Variants in PCDH7 observed in about 807,000 individuals in gnomAD.
The protein encoded by PCDH7 is protocadherin 7.
A neutral mutation model predicts 58.9 loss-of-function variants in PCDH7; 17 were observed. The observed-to-expected ratio is 0.29, with a 90% CI of 0.20 to 0.43. The LOEUF (loss-of-function observed/expected upper bound fraction) is 0.43, where lower values mean the gene tolerates loss of function less well. PCDH7 is among the 20% of genes least tolerant of loss of function. The pLI is 1.00. For missense variants in PCDH7, 1,274 were observed against 1,441.0 expected, an observed-to-expected ratio of 0.88 and a Z score of 1.88; for synonymous variants, 664 against 616.4, an observed-to-expected ratio of 1.08 and a Z score of -1.14.
chr4:31,102,655 A>G (rs1176127562), intron 3 of PCDH7, among the ~76,000 whole-genome samples: 1 of 151,824 alleles, frequency 6.6e-6, no homozygotes, highest in East Asian at 1.9e-4. Flanking sequence ...CCTGGGTGAC[A>G]AGAGCAAAAC....
intron 3 of PCDH7, among the ~76,000 whole-genome samples, chr4:31,108,498 G>T (rs573041412): frequency 6.7e-6 from 1 of 150,096 alleles, no homozygotes. Flanking sequence ...CTGCTAATTC[G>T]ATGAATCAGT....
At chr4:31,045,399 T>C (rs1756199002) in intron 3 of PCDH7, among the ~76,000 whole-genome samples, 1 of 151,992 alleles carries the variant, frequency 6.6e-6, no homozygotes, top group Admixed American at 6.6e-5. Flanking sequence ...AAAGGGACAA[T>C]ATGAAGAGCC....
intron 3 of PCDH7, among the ~76,000 whole-genome samples, chr4:30,975,132 C>A (rs1749953084): frequency 7.2e-6 from 1 of 137,996 alleles, no homozygotes; most frequent in South Asian, 2.4e-4. Flanking sequence ...CCATCCAGTC[C>A]TTCCCTTTCA....
At chr4:30,730,731 A>G in intron 1 of PCDH7, 2 of 1,560,478 alleles carry the variant, frequency 1.3e-6, no homozygotes, top group South Asian at 2.3e-5. Flanking sequence ...ACCTGCATAA[A>G]TCTTTATTTT....
intron 1 of PCDH7, among the ~76,000 whole-genome samples, chr4:30,892,815 A>G (rs1172239771): frequency 6.6e-6 from 1 of 152,092 alleles, no homozygotes; most frequent in Non-Finnish European, 1.5e-5. Context: ...TCTTTCCCAA[A>G]ATAGGGGAAA....
chr4:30,960,082 GAAGGAAGGAAGGAAGGAAGA>G (rs1748239514), intron 3 of PCDH7, among the ~76,000 whole-genome samples: 1 of 135,022 alleles, frequency 7.4e-6, no homozygotes, highest in Admixed American at 8.1e-5. Context: ...AGGAGGGGAG[GAAGGAAGGAAGGAAGGAAGA>G]AAGGAAGGAG....
chr4:31,076,212 C>T (rs1052834958), intron 3 of PCDH7, among the ~76,000 whole-genome samples: 1 of 152,118 alleles, frequency 6.6e-6, no homozygotes, highest in Non-Finnish European at 1.5e-5. Context: ...TCAGCTCTGG[C>T]GTACTCATCA....
chr4:31,078,212 C>T (rs1010789026), intron 3 of PCDH7, among the ~76,000 whole-genome samples: 2 of 152,060 alleles, frequency 1.3e-5, no homozygotes, highest in African/African-American at 4.8e-5. Flanking sequence ...CTTATGTGAA[C>T]CTTTCAAAAG....
chr4:31,044,568 A>G (rs1756136203), intron 3 of PCDH7, among the ~76,000 whole-genome samples: 1 of 151,908 alleles, frequency 6.6e-6, no homozygotes, highest in Non-Finnish European at 1.5e-5. Context: ...AATTTTATGT[A>G]TTTTATCTAG....
chr4:30,752,783 C>CAAAAAAAAAAAAAAAAAA (rs35860745), intron 1 of PCDH7, among the ~76,000 whole-genome samples: 5 of 99,542 alleles, frequency 5.0e-5, no homozygotes, highest in Non-Finnish European at 1.0e-4. Flanking sequence ...CCTGTAGGGG[C>CAAAAAAAAAAAAAAAAAA]AAAAAAAAAA....
intron 1 of PCDH7, among the ~76,000 whole-genome samples, chr4:30,727,316 A>T (rs1301541647): frequency 6.6e-6 from 1 of 151,942 alleles, no homozygotes; most frequent in East Asian, 1.9e-4. Flanking sequence ...TGTTTTCATT[A>T]TAATAGGTTA....
At chr4:30,832,523 T>C (rs1339489698) in intron 1 of PCDH7, among the ~76,000 whole-genome samples, 3 of 152,174 alleles carry the variant, frequency 2.0e-5, no homozygotes, top group African/African-American at 4.8e-5. Flanking sequence ...GTTATAAGCA[T>C]GAACCAGAGC....
chr4:30,812,673 G>T (rs1727177213), intron 1 of PCDH7, among the ~76,000 whole-genome samples: 1 of 151,914 alleles, frequency 6.6e-6, no homozygotes, highest in Admixed American at 6.6e-5. Flanking sequence ...TAAAAGGGTA[G>T]GTTCTCTTGG....
intron 3 of PCDH7, among the ~76,000 whole-genome samples, chr4:30,967,790 A>T (rs1749125260): frequency 6.6e-6 from 1 of 152,142 alleles, no homozygotes; most frequent in African/African-American, 2.4e-5. Flanking sequence ...TCTGTGTCTG[A>T]ACATTTAGTA....
chr4:30,967,392 C>T (rs1416054952), intron 3 of PCDH7, among the ~76,000 whole-genome samples: 1 of 152,038 alleles, frequency 6.6e-6, no homozygotes, highest in East Asian at 1.9e-4. Flanking sequence ...AAGCAATTCT[C>T]GTGGTTGATA....
chr4:30,990,980 A>G (rs1275617899), intron 3 of PCDH7, among the ~76,000 whole-genome samples: 2 of 152,170 alleles, frequency 1.3e-5, no homozygotes, highest in African/African-American at 4.8e-5. Context: ...AGGTATAGCA[A>G]GGAAGAGAAG....
In PCDH7 at chr4:30,721,256, C is replaced by G. The variant is rs918800787; in HGVS notation, c.-167C>G. 4.4e-5 allele frequency: 27 copies of G among 609,022 alleles called. No homozygotes were observed. Among genetic ancestry groups the G allele is most frequent in the Non-Finnish European group, 6.1e-5 (22 of 362,454 alleles). The allele number at this position is 609,022 out of a possible 1,614,324, so 37.7% of individuals were successfully genotyped here. ...ATCGCTGCCCTCCCACCCCCATTCC[C>G]GGCCAACTCTCCACGCCGCTTTTGC... On this transcript the variant is annotated 5_prime_UTR_variant, in exon 1 of 2. Transcript: ENST00000361762. This position sits in a 1 kb window ranked among gnomAD's most constrained non-coding sequence, Gnocchi z 6.7.
intron 1 of PCDH7, among the ~76,000 whole-genome samples, chr4:30,889,874 C>G (rs145573602): frequency 1.1e-3 from 169 of 152,246 alleles, no homozygotes; most frequent in African/African-American, 3.8e-3. Flanking sequence ...ACATTCAGAC[C>G]ATAGCAGCAT....
chr4:30,791,664 C>T (rs1297542052), intron 1 of PCDH7, among the ~76,000 whole-genome samples: 1 of 152,158 alleles, frequency 6.6e-6, no homozygotes. Context: ...TACAAGTTCT[C>T]CAGTTTCTGG....
Sources: allele counts gnomAD v4.1 joint callset (sites outside exome capture counted in the v4.1 genomes callset), GRCh38; gene constraint gnomAD v4.1.1; non-coding constraint Gnocchi (gnomAD v3.1); transcripts MANE v1.5; gene names NCBI Gene and HGNC (gene_info 2026-07-23, HGNC 2026-07-21).